PRIMA1: variants seen among roughly 807,000 people sequenced by gnomAD.
PRIMA1 encodes the protein proline-rich membrane anchor 1.
PRIMA1 carries 7 observed loss-of-function variants against 17.5 expected under a neutral mutation model. The observed-to-expected ratio is 0.40, with a 90% CI of 0.23 to 0.75. The LOEUF is 0.75. Among genes scored for constraint, PRIMA1 ranks in the 30% least tolerant of loss-of-function variants. The pLI, the probability that PRIMA1 is intolerant of heterozygous loss-of-function variation, is 0.37. For synonymous variants in PRIMA1, 97 were observed against 77.9 expected (o/e 1.25, Z -1.29); for missense variants, 200 against 201.8 (o/e 0.99, Z 0.05).
intron 4 of PRIMA1, among the ~76,000 whole-genome samples, chr14:93,736,496 G>C (rs1204428490): frequency 6.6e-6 from 1 of 152,230 alleles, no homozygotes; most frequent in Non-Finnish European, 1.5e-5. Flanking sequence ...GGCAGAGGGG[G>C]CTCTGAGTTT....
rs539017770 is a variant in PRIMA1, at chr14:93,748,499, G to T, written c.230-11129C>A. 3.5e-3 allele frequency among the ~76,000 whole-genome samples: 532 copies of T among 152,296 alleles called. 1 individual carries two copies. Among genetic ancestry groups the T allele is most frequent in the African/African-American group, 0.012 (507 of 41,556 alleles). Reference sequence around the variant, plus strand: ...AGGAGGCGACGTTCAAGCTGAGCCCGACAGGGTGCAGGAGCAGTCCTGTGA... The same window carrying T: ...AGGAGGCGACGTTCAAGCTGAGCCCTACAGGGTGCAGGAGCAGTCCTGTGA... On this transcript the variant is annotated intron_variant, in intron 3 of 4. Coordinates refer to ENST00000393140, the MANE Select transcript of PRIMA1 (RefSeq NM_178013.4).
chr14:93,752,767 G>A (rs2141173426), intron 3 of PRIMA1, among the ~76,000 whole-genome samples: 1 of 152,210 alleles, frequency 6.6e-6, no homozygotes. Flanking sequence ...TCCGGGGCAC[G>A]CAACCTGGGT....
intron 3 of PRIMA1, among the ~76,000 whole-genome samples, chr14:93,756,098 G>C (rs1308581389): frequency 2.0e-5 from 3 of 152,092 alleles, no homozygotes; most frequent in African/African-American, 7.2e-5. Context: ...TTTAAGTCTG[G>C]GTCTTGCTAT....
At chr14:93,755,085 A>G (rs1033719680) in intron 3 of PRIMA1, among the ~76,000 whole-genome samples, 3 of 152,172 alleles carry the variant, frequency 2.0e-5, no homozygotes, top group African/African-American at 7.2e-5. Flanking sequence ...AATAACCTGG[A>G]AGGTTCTAGA....
At chr14:93,756,680 C>T (rs1212557745) in intron 3 of PRIMA1, among the ~76,000 whole-genome samples, 1 of 152,176 alleles carries the variant, frequency 6.6e-6, no homozygotes, top group Non-Finnish European at 1.5e-5. Flanking sequence ...CCATATCCAG[C>T]TGCGACTCAG....
chr14:93,738,857 C>G (rs1417497465), intron 3 of PRIMA1, among the ~76,000 whole-genome samples: 2 of 152,148 alleles, frequency 1.3e-5, no homozygotes, highest in Non-Finnish European at 2.9e-5. Flanking sequence ...ATTCTGATTT[C>G]TAAAATCACT....
At chr14:93,748,775 G>A (rs1375693710) in intron 3 of PRIMA1, among the ~76,000 whole-genome samples, 2 of 152,134 alleles carry the variant, frequency 1.3e-5, no homozygotes, top group Non-Finnish European at 2.9e-5. Context: ...CAAGGGCACT[G>A]TTCTCAGGCT....
chr14:93,741,258 AT>A (rs1376538672), intron 3 of PRIMA1, among the ~76,000 whole-genome samples: 1 of 152,202 alleles, frequency 6.6e-6, no homozygotes, highest in African/African-American at 2.4e-5. Context: ...AGGAGGTGTT[AT>A]TTCAGAAAAG....
At position 93,737,317 on chromosome 14, in the gene PRIMA1, T is replaced by A. The variant is rs764336251; in HGVS notation, c.283A>T (p.Ile95Phe). 3 of 1,614,056 alleles carry A rather than the reference T, an allele frequency of 1.9e-6. No individual in the cohort carries two copies. The South Asian group carries it at 3.3e-5, about 18-fold the overall frequency. ...TEESWWSGLV[I>F]IIAVCCASLV... ...GAGGCACAGCATACGGCAATGATGA[T>A]CACCAGCCCCGACCACCAGCTTTCC... Residue 95 changes from isoleucine (I) to phenylalanine (F), a missense_variant, in exon 4 of 5, where the codon ATC becomes TTC. Physicochemically the swap from Ile to Phe is conservative, Grantham distance 21. Coordinates refer to ENST00000393140, the MANE Select transcript of PRIMA1 (RefSeq NM_178013.4).
At chr14:93,737,104 A>G (rs2076154351) in intron 4 of PRIMA1, 137 bp downstream of exon 4, 1 of 734,256 alleles carries the variant, frequency 1.4e-6, no homozygotes. Flanking sequence ...ATGGAAGGTC[A>G]CTGTATATTC....
chr14:93,784,961 T>C (rs1885480051), intron 2 of PRIMA1, among the ~76,000 whole-genome samples: 1 of 152,220 alleles, frequency 6.6e-6, no homozygotes, highest in East Asian at 1.9e-4. Flanking sequence ...AGACTGACCA[T>C]GGAAGGGGTT....
chr14:93,720,963 G>C lies in PRIMA1; in HGVS notation c.*481C>G, dbSNP rs1460142981. On this transcript the variant is annotated 3_prime_UTR_variant, in exon 5 of 5. Transcript: ENST00000393140. ...CTTTGAAAGGGGACGTCTGTCTGCT[G>C]GCTGTGCCGATGGCTTCTGTTGAGA... 1.3e-5 allele frequency: 2 copies of C among 156,576 alleles called. No homozygotes were observed. Among genetic ancestry groups the C allele is most frequent in the Admixed American group, 6.3e-5 (1 of 15,856 alleles). The allele number at this position is 156,576 out of a possible 1,614,324, so 9.7% of individuals were successfully genotyped here.
intron 4 of PRIMA1, among the ~76,000 whole-genome samples, chr14:93,727,418 C>A (rs556507545): frequency 3.3e-5 from 5 of 152,276 alleles, no homozygotes; most frequent in African/African-American, 1.2e-4. Context: ...TGCACAGAGC[C>A]CTGGACAGGG....
chr14:93,744,172 C>T (rs2076201694), intron 3 of PRIMA1, among the ~76,000 whole-genome samples: 1 of 152,334 alleles, frequency 6.6e-6, no homozygotes. Context: ...TTATGAACTG[C>T]CCCCCAAAGC....
chr14:93,775,603 T>A (rs1885194126), intron 3 of PRIMA1, among the ~76,000 whole-genome samples: 1 of 152,334 alleles, frequency 6.6e-6, no homozygotes. Flanking sequence ...ATTTTATGAT[T>A]GGCAGAAGTT....
At chr14:93,747,739 T>C (rs1003269360) in intron 3 of PRIMA1, among the ~76,000 whole-genome samples, 2 of 147,794 alleles carry the variant, frequency 1.4e-5, no homozygotes, top group Non-Finnish European at 3.0e-5. Flanking sequence ...AGTGTGCGAG[T>C]GGGAAGTGTG....
intron 3 of PRIMA1, among the ~76,000 whole-genome samples, chr14:93,764,881 G>A (rs1426956006): frequency 1.3e-5 from 2 of 152,296 alleles, no homozygotes; most frequent in Admixed American, 6.5e-5. Context: ...TGACTCTGAC[G>A]TTTCCTGGAC....
At position 93,726,911 on chromosome 14, in the gene PRIMA1, A is replaced by G. The variant is rs2076081501; in HGVS notation, c.360-5365T>C. Among the ~76,000 whole-genome samples, 1 of 152,186 alleles carries G rather than the reference A, an allele frequency of 6.6e-6. No individual in the cohort carries two copies. The highest frequency in any genetic ancestry group is 1.5e-5 in the Non-Finnish European group (1 of 68,026). Reference sequence around the variant, plus strand: ...CACATACATATGAATACACATATGCATATGCATACCTACAGACATATATCC... The same window carrying G: ...CACATACATATGAATACACATATGCGTATGCATACCTACAGACATATATCC... On this transcript the variant is annotated intron_variant, in intron 4 of 4. Transcript: ENST00000393140. This position sits in a 1 kb window ranked among gnomAD's most constrained non-coding sequence, Gnocchi z 4.2.
chr14:93,772,590 C>T (rs1885101345), intron 3 of PRIMA1, among the ~76,000 whole-genome samples: 1 of 152,244 alleles, frequency 6.6e-6, no homozygotes, highest in African/African-American at 2.4e-5. Flanking sequence ...GCTTTTTGTT[C>T]AGGCCACAAG....
Sources: allele counts gnomAD v4.1 joint callset (sites outside exome capture counted in the v4.1 genomes callset), GRCh38; gene constraint gnomAD v4.1.1; non-coding constraint Gnocchi (gnomAD v3.1); transcripts MANE v1.5; gene names NCBI Gene and HGNC (gene_info 2026-07-23, HGNC 2026-07-21).